PCDHA8: variants seen among roughly 807,000 people sequenced by gnomAD.
PCDHA8 encodes the protein protocadherin alpha 8, also known as protocadherin alpha-8.
PCDHA8 carries 53 observed loss-of-function variants against 61.8 expected under a neutral mutation model. That is an observed-to-expected ratio of 0.86 (90% CI 0.69 to 1.08). The LOEUF (loss-of-function observed/expected upper bound fraction) is 1.08. Among genes scored for constraint, PCDHA8 ranks in the 50% least tolerant of loss-of-function variants. The probability of loss-of-function intolerance (pLI) is 0.00; values close to 1 mark genes in which losing one functional copy is unlikely to be tolerated. For missense variants in PCDHA8, 1,293 were observed against 1,245.0 expected (o/e 1.04, Z -0.58); for synonymous variants, 618 against 556.6 (o/e 1.11, Z -1.55).
chr5:140,875,928 T>C (rs782425352), intron 1 of PCDHA8: 1 of 1,614,188 alleles, frequency 6.2e-7, no homozygotes, highest in South Asian at 1.1e-5. Flanking sequence ...ACTCTCATTT[T>C]CCTCTAGAGG....
intron 1 of PCDHA8, among the ~76,000 whole-genome samples, chr5:140,951,450 C>A: frequency 6.6e-6 from 1 of 151,922 alleles, no homozygotes; most frequent in East Asian, 1.9e-4. Flanking sequence ...ATGATGCCGG[C>A]CATCTGCTTG....
intron 3 of PCDHA8, among the ~76,000 whole-genome samples, chr5:140,990,715 A>T (rs927680875): frequency 1.3e-5 from 2 of 152,194 alleles, no homozygotes; most frequent in Admixed American, 6.5e-5. Flanking sequence ...GGATAAGAGC[A>T]TCACTAGGTA....
chr5:140,973,590 A>G (rs562109843), intron 1 of PCDHA8, among the ~76,000 whole-genome samples: 3 of 152,340 alleles, frequency 2.0e-5, no homozygotes, highest in Non-Finnish European at 4.4e-5. Context: ...GCTGAGCCAG[A>G]TGGAATTATG....
intron 3 of PCDHA8, among the ~76,000 whole-genome samples, chr5:140,982,811 A>G (rs1024619481): frequency 1.3e-5 from 2 of 150,966 alleles, no homozygotes; most frequent in Non-Finnish European, 1.5e-5. Flanking sequence ...GTGTGTGTGT[A>G]TGAAGTTTTT....
At chr5:141,000,921 C>T (rs562554000) in intron 3 of PCDHA8, among the ~76,000 whole-genome samples, 1 of 152,006 alleles carries the variant, frequency 6.6e-6, no homozygotes, top group Non-Finnish European at 1.5e-5. Flanking sequence ...AAAAAAAAAT[C>T]CTGTGTGATT....
intron 3 of PCDHA8, among the ~76,000 whole-genome samples, chr5:141,007,754 T>C (rs991882656): frequency 6.6e-6 from 1 of 152,172 alleles, no homozygotes; most frequent in African/African-American, 2.4e-5. Flanking sequence ...AACTTTGGAC[T>C]CTTATTGGCC....
At chr5:140,962,438 GATGGCTTGAATCTCTT>G (rs1298191516) in intron 1 of PCDHA8, among the ~76,000 whole-genome samples, 11 of 152,108 alleles carry the variant, frequency 7.2e-5, no homozygotes, top group East Asian at 5.8e-4. Flanking sequence ...CTTATCCAAA[GATGGCTTGAATCTCTT>G]ATGGCTTGAA....
rs200630375 is a variant in PCDHA8, at chr5:140,857,325, C to A, written c.2394+13610C>A. 1.8e-5 allele frequency: 28 copies of A among 1,598,630 alleles called. 3 individuals are homozygous for A. The highest frequency in any genetic ancestry group is 3.4e-5 in the Admixed American group (2 of 59,352). Reference sequence around the variant, plus strand: ...TCGGCCTATGAGCTGGTGGTGACCGCGCGGGACGGGGGCTCGCCTCCGCTG... The same window carrying A: ...TCGGCCTATGAGCTGGTGGTGACCGAGCGGGACGGGGGCTCGCCTCCGCTG... On this transcript the variant is annotated intron_variant, in intron 1 of 3. Transcript: ENST00000531613.
intron 1 of PCDHA8, among the ~76,000 whole-genome samples, chr5:140,924,904 AAT>A (rs1277700524): frequency 5.2e-4 from 28 of 54,160 alleles, no homozygotes; most frequent in African/African-American, 2.1e-3. Context: ...CAAAAAAAAA[AAT>A]AAAATAAAAT....
chr5:140,870,962 C>G (rs1489353896), intron 1 of PCDHA8: 2 of 1,613,532 alleles, frequency 1.2e-6, no homozygotes, highest in African/African-American at 1.3e-5. Context: ...TCGCGCATCC[C>G]GTTCCGCGTG....
Position 140,985,833 on chromosome 5 carries a change from G to A in PCDHA8, c.2542+3270G>A, listed in dbSNP as rs1458914557. Among the ~76,000 whole-genome samples the A allele has an allele frequency of 2.8e-5, 4 of 143,674 alleles. No homozygotes were observed. In the East Asian group the frequency reaches 6.5e-4, roughly 23 times the overall value. The allele number at this position is 143,674 out of a possible 152,430, so 94.3% of individuals were successfully genotyped here. A position where few individuals can be genotyped will look rare whatever the true frequency, so the allele number is the denominator to read the frequency against. ...CAGCTCACAACAAGCTCTGCCTCCC[G>A]GGTTCATGCCACTCTCCTGCCTCAG... On this transcript the variant is annotated intron_variant, in intron 3 of 3. Coordinates refer to ENST00000531613, the MANE Select transcript of PCDHA8 (RefSeq NM_018911.3).
intron 1 of PCDHA8, chr5:140,857,033 A>G (rs1303154996): frequency 4.4e-6 from 7 of 1,595,572 alleles, no homozygotes; most frequent in South Asian, 1.1e-5. Flanking sequence ...AAACCCACCT[A>G]TGGTTGGTCA....
rs200777298 is a variant in PCDHA8 at position 140,842,447 on chromosome 5, G to T, written c.1126G>T (p.Asp376Tyr). The T allele has an allele frequency of 6.2e-7, 1 of 1,613,672 alleles. No individual in the cohort carries two copies. The highest frequency in any genetic ancestry group is 1.3e-5 in the African/African-American group (1 of 74,824). Residue 376 changes from aspartate (D) to tyrosine (Y), a missense_variant, in exon 1 of 4, where the codon GAC becomes TAC. Asp to Tyr is a radical substitution (Grantham distance 160). Transcript: ENST00000531613. ...GTVIALISVN[D>Y]LDSGANGQVT... Reference sequence around the variant, plus strand: ...TGTCATCGCCCTAATTAGCGTGAACGACCTCGATTCAGGTGCCAACGGGCA... The same window carrying T: ...TGTCATCGCCCTAATTAGCGTGAACTACCTCGATTCAGGTGCCAACGGGCA...
intron 1 of PCDHA8, among the ~76,000 whole-genome samples, chr5:140,969,883 A>G (rs1161815776): frequency 6.6e-6 from 1 of 152,204 alleles, no homozygotes; most frequent in African/African-American, 2.4e-5. Flanking sequence ...ATGTGATAGG[A>G]TCCTCTGGAA....
rs868916626 is a variant in PCDHA8, at chr5:140,946,629, T to C, written c.2395-32320T>C. 3.4e-3 allele frequency among the ~76,000 whole-genome samples: 415 copies of C among 123,330 alleles called. 16 individuals carry two copies. The highest frequency in any genetic ancestry group is 0.017 in the Middle Eastern group (4 of 240). The allele number at this position is 123,330 out of a possible 152,430, so 80.9% of individuals were successfully genotyped here. On this transcript the variant is annotated intron_variant, in intron 1 of 3. Coordinates refer to ENST00000531613, the MANE Select transcript of PCDHA8 (RefSeq NM_018911.3). ...AATGTGAAATATATATATATATATATATACAATGGAATACTCATCAGCCAT... is the reference window on the plus strand; with the variant it reads ...AATGTGAAATATATATATATATATACATACAATGGAATACTCATCAGCCAT...
intron 3 of PCDHA8, among the ~76,000 whole-genome samples, chr5:141,007,112 G>A (rs1554261059): frequency 6.6e-6 from 1 of 152,170 alleles, no homozygotes; most frequent in African/African-American, 2.4e-5. Flanking sequence ...ACCCAAGGAA[G>A]CTTCAACACA....
At chr5:140,924,244 C>G (rs1375839311) in intron 1 of PCDHA8, among the ~76,000 whole-genome samples, 1 of 152,152 alleles carries the variant, frequency 6.6e-6, no homozygotes, top group Non-Finnish European at 1.5e-5. Context: ...TGTTTTGCAT[C>G]CTGGTGAGAT....
intron 1 of PCDHA8, among the ~76,000 whole-genome samples, chr5:140,921,611 A>C (rs781805165): frequency 6.6e-6 from 1 of 152,224 alleles, no homozygotes; most frequent in Non-Finnish European, 1.5e-5. Context: ...AATAAGAAAA[A>C]TATCATCAGA....
At chr5:140,920,184 AAT>A (rs782376164) in intron 1 of PCDHA8, among the ~76,000 whole-genome samples, 19 of 152,348 alleles carry the variant, frequency 1.2e-4, no homozygotes, top group East Asian at 9.6e-4. Context: ...AGTGTGTAGT[AAT>A]TTGTCACAGC....
Sources: allele counts gnomAD v4.1 joint callset (sites outside exome capture counted in the v4.1 genomes callset), GRCh38; gene constraint gnomAD v4.1.1; transcripts MANE v1.5; gene names NCBI Gene and HGNC (gene_info 2026-07-23, HGNC 2026-07-21).